SMARCAD1: variants seen among roughly 807,000 people sequenced by gnomAD.
SMARCAD1 encodes SWI/SNF-related matrix-associated actin-dependent regulator of chromatin subfamily A containing DEAD/H box 1.
Under a neutral mutation model 127.1 loss-of-function variants are expected in SMARCAD1, and 25 were observed. The observed-to-expected ratio is 0.20, with a 90% CI of 0.14 to 0.27. The LOEUF (loss-of-function observed/expected upper bound fraction) is 0.27. Ranked by LOEUF, SMARCAD1 falls within the 10% of genes least tolerant of loss-of-function variation. The probability of loss-of-function intolerance (pLI) is 1.00; values close to 1 mark genes in which losing one functional copy is unlikely to be tolerated. For missense variants in SMARCAD1, 807 were observed against 1,206.0 expected (o/e 0.67, Z 4.90); for synonymous variants, 400 against 396.9 (o/e 1.01, Z -0.09).
intron 2 of SMARCAD1, chr4:94,213,114 G>C: frequency 7.8e-7 from 1 of 1,286,890 alleles, no homozygotes. Flanking sequence ...GAATAAAAAT[G>C]AGTGAAGCCT....
chr4:94,282,595 G>A (rs1754265161), intron 21 of SMARCAD1, among the ~76,000 whole-genome samples: 1 of 151,892 alleles, frequency 6.6e-6, no homozygotes, highest in African/African-American at 2.4e-5. Context: ...TAATAAGGAC[G>A]GAATTGTGTA....
intron 9 of SMARCAD1, among the ~76,000 whole-genome samples, chr4:94,261,811 T>C (rs962523271): frequency 1.3e-5 from 2 of 152,142 alleles, no homozygotes; most frequent in Non-Finnish European, 2.9e-5. Context: ...AGTTCTGCCA[T>C]GTTGCCCAGG....
chr4:94,250,869 C>A, intron 8 of SMARCAD1, 36 bp downstream of exon 8: 1 of 1,457,786 alleles, frequency 6.9e-7, no homozygotes, highest in Non-Finnish European at 9.6e-7. Flanking sequence ...ACATACTTCT[C>A]ATTATAGTCT....
chr4:94,214,256 C>T (rs1050883324), intron 2 of SMARCAD1, among the ~76,000 whole-genome samples: 2 of 137,962 alleles, frequency 1.4e-5, no homozygotes, highest in African/African-American at 5.7e-5. Context: ...GAAAATTGAG[C>T]GTTCTTTTGT....
rs376607169 is a variant in SMARCAD1, at chr4:94,276,330, T to C, written c.1809-9T>C. 7.4e-6 allele frequency: 12 copies of C among 1,613,968 alleles called. No individual in the cohort carries two copies. Among genetic ancestry groups the C allele is most frequent in the African/African-American group, 2.7e-5 (2 of 74,924 alleles). ...ATAACCTTAGAGATGTTTTTTCTTTTGGTGACAGATATAACTGTGCGATCA... is the reference window on the plus strand; with the variant it reads ...ATAACCTTAGAGATGTTTTTTCTTTCGGTGACAGATATAACTGTGCGATCA... On this transcript the variant is annotated splice_polypyrimidine_tract_variant and intron_variant, in intron 14 of 23. Transcript: ENST00000354268.
chr4:94,242,790 A>G (rs1401362985), intron 6 of SMARCAD1, among the ~76,000 whole-genome samples: 7 of 151,800 alleles, frequency 4.6e-5, no homozygotes, highest in Admixed American at 4.6e-4. Flanking sequence ...GCTTACATGC[A>G]GCTGTAATCT....
At chr4:94,236,692 A>T (rs549667556) in intron 4 of SMARCAD1, among the ~76,000 whole-genome samples, 2 of 152,274 alleles carry the variant, frequency 1.3e-5, no homozygotes, top group East Asian at 3.9e-4. Context: ...AAAATACTGT[A>T]TATATGTGAT....
intron 9 of SMARCAD1, chr4:94,253,351 A>G (rs1749566794): frequency 3.8e-6 from 5 of 1,310,574 alleles, no homozygotes; most frequent in African/African-American, 1.5e-5. Flanking sequence ...CTGATCTGTT[A>G]CTGCTGAGAC....
chr4:94,208,347 T>G lies in SMARCAD1; in HGVS notation c.-48T>G. On this transcript the variant is annotated splice_region_variant and 5_prime_UTR_variant, in exon 2 of 24. An upstream open reading frame in the 5' UTR loses its in-frame stop. Transcript: ENST00000354268. ...CCTCTCTTTATTTTTCCCCTGCAGA[T>G]AGTTCATTTAAAGCCCCCATCCCTG... The G allele has an allele frequency of 1.9e-6, 3 of 1,575,088 alleles. No homozygotes were observed. Among genetic ancestry groups the G allele is most frequent in the Non-Finnish European group, 2.6e-6 (3 of 1,145,426 alleles).
intron 3 of SMARCAD1, 23 bp downstream of exon 3, chr4:94,226,319 T>C (rs998766970): frequency 1.3e-6 from 2 of 1,583,262 alleles, no homozygotes; most frequent in Non-Finnish European, 8.7e-7. Context: ...ATAGATATAT[T>C]GTATTTGCAT....
rs1446216509 is a variant in SMARCAD1, at chr4:94,262,909, AAAG to A, written c.1282-1795_1282-1793del. Among the ~76,000 whole-genome samples, 5 of 103,120 alleles carry A rather than the reference AAAG, an allele frequency of 4.8e-5. No individual in the cohort carries two copies. The South Asian group carries it at 1.2e-3, about 25-fold the overall frequency. 67.7% of individuals were successfully genotyped at this position (103,120 alleles called of 152,430 possible). ...TCTGTTAAAAAAAAAAAAAAAAAAG[AAAG>A]AAAAGAAATGGTAGTTGGTTACAGA... On this transcript the variant is annotated intron_variant, in intron 9 of 23. Transcript: ENST00000354268.
intron 6 of SMARCAD1, among the ~76,000 whole-genome samples, chr4:94,246,794 G>C (rs1041418818): frequency 2.0e-5 from 3 of 152,176 alleles, no homozygotes; most frequent in African/African-American, 7.2e-5. Context: ...TATTATTTGA[G>C]AGAGCCAGGA....
chr4:94,264,523 A>G lies in SMARCAD1; in HGVS notation c.1282-184A>G, dbSNP rs1255757259. On this transcript the variant is annotated intron_variant, in intron 9 of 23. Coordinates refer to ENST00000354268, the MANE Select transcript of SMARCAD1 (RefSeq NM_020159.5). ...TGAGTTTGATGTGTGACAGTAGAAT[A>G]TAAAAGTGAAACATGTAGCAACTCA... The G allele has an allele frequency of 1.3e-5, 7 of 544,804 alleles. 1 individual carries two copies. The highest frequency in any genetic ancestry group is 1.1e-4 in the African/African-American group (6 of 52,532). The allele number at this position is 544,804 out of a possible 1,614,324, so 33.7% of individuals were successfully genotyped here.
intron 8 of SMARCAD1, among the ~76,000 whole-genome samples, chr4:94,251,201 G>A (rs1379916082): frequency 6.6e-6 from 1 of 152,106 alleles, no homozygotes; most frequent in Non-Finnish European, 1.5e-5. Context: ...AGATGTCTTA[G>A]CCTATACTTG....
intron 6 of SMARCAD1, among the ~76,000 whole-genome samples, chr4:94,244,343 A>T (rs563334362): frequency 2.2e-4 from 33 of 152,366 alleles, no homozygotes; most frequent in African/African-American, 7.9e-4. Context: ...TGGCTGTCAG[A>T]CATAACTATT....
intron 16 of SMARCAD1, among the ~76,000 whole-genome samples, chr4:94,277,515 C>CTA (rs1305505194): frequency 2.0e-5 from 3 of 151,776 alleles, no homozygotes; most frequent in Non-Finnish European, 4.4e-5. Context: ...TATGGGTAAA[C>CTA]TATAAAACTA....
chr4:94,270,176 T>A (rs995074902), intron 10 of SMARCAD1, among the ~76,000 whole-genome samples: 1 of 151,926 alleles, frequency 6.6e-6, no homozygotes, highest in Non-Finnish European at 1.5e-5. Flanking sequence ...ATAATTTTGC[T>A]AAACATGTGC....
At chr4:94,213,191 A>C in intron 2 of SMARCAD1, 1 of 1,030,530 alleles carries the variant, frequency 9.7e-7, no homozygotes, top group Non-Finnish European at 1.3e-6. Context: ...GGTGTGATAA[A>C]ACCATATAAT....
chr4:94,234,359 G>A (rs1579102635), intron 4 of SMARCAD1, among the ~76,000 whole-genome samples: 1 of 152,134 alleles, frequency 6.6e-6, no homozygotes, highest in South Asian at 2.1e-4. Context: ...GCGAACATAG[G>A]TTGTGAGTTT....
Sources: allele counts gnomAD v4.1 joint callset (sites outside exome capture counted in the v4.1 genomes callset), GRCh38; gene constraint gnomAD v4.1.1; transcripts MANE v1.5; gene names NCBI Gene and HGNC (gene_info 2026-07-23, HGNC 2026-07-21).